TNIK: variants seen among roughly 807,000 people sequenced by gnomAD.
TNIK encodes the protein TRAF2 and NCK interacting kinase.
TNIK carries 49 observed loss-of-function variants against 191.3 expected under a neutral mutation model. That is an observed-to-expected ratio of 0.26 (90% CI 0.20 to 0.32). The LOEUF is 0.32. Among genes scored for constraint, TNIK ranks in the 10% least tolerant of loss-of-function variants. The pLI, the probability that TNIK is intolerant of heterozygous loss-of-function variation, is 1.00. For synonymous variants in TNIK, 594 were observed against 600.9 expected (o/e 0.99, Z 0.17); for missense variants, 1,155 against 1,702.3 (o/e 0.68, Z 5.66).
intron 28 of TNIK, among the ~76,000 whole-genome samples, chr3:171,074,211 G>T (rs532447988): frequency 6.6e-6 from 1 of 152,096 alleles, no homozygotes; most frequent in Non-Finnish European, 1.5e-5. Context: ...CGTGCCCTTG[G>T]CAGCAACGTG....
chr3:171,159,359 T>G lies in TNIK; in HGVS notation c.1017-1695A>C, dbSNP rs1311997695. On this transcript the variant is annotated intron_variant, in intron 11 of 32. Coordinates refer to ENST00000436636, the MANE Select transcript of TNIK (RefSeq NM_015028.4). This position sits in a 1 kb window ranked among gnomAD's most constrained non-coding sequence, Gnocchi z 4.1. The stretch of plus-strand genomic sequence containing the variant: ...AGGAATGCTGAGGGAGGAGCAAGTT[T>G]CGTGGCAGTTAACAAGAGGACCAAG... Among the ~76,000 whole-genome samples, 1 of 151,820 alleles carries G rather than the reference T, an allele frequency of 6.6e-6. No homozygotes were observed. Among genetic ancestry groups the G allele is most frequent in the Non-Finnish European group, 1.5e-5 (1 of 67,976 alleles).
chr3:171,104,662 A>T (rs1489725750), intron 21 of TNIK, among the ~76,000 whole-genome samples: 1 of 152,152 alleles, frequency 6.6e-6, no homozygotes, highest in Non-Finnish European at 1.5e-5. Flanking sequence ...AGTTTATTCA[A>T]ATAAATATTA....
At position 171,066,646 on chromosome 3, in the gene TNIK, C is replaced by T. The variant is rs907707963; in HGVS notation, c.3789G>A (p.Val1263=). 6.2e-7 allele frequency: 1 copy of T among 1,613,850 alleles called. No individual in the cohort carries two copies. Among genetic ancestry groups the T allele is most frequent in the African/African-American group, 1.3e-5 (1 of 74,988 alleles). ...TTATCCGGCCATAGGTGTTTACATA[C>T]ACCCCCTCATCCTCATAGCAAACAA... ...EMLVCYEDEG[V]YVNTYGRITK... The change falls in exon 31 of 33, where the codon GTG becomes GTA. Residue 1263 remains valine (V), a synonymous_variant. Transcript: ENST00000436636.
chr3:171,170,351 C>A (rs1464915209), intron 9 of TNIK, among the ~76,000 whole-genome samples: 1 of 152,162 alleles, frequency 6.6e-6, no homozygotes, highest in African/African-American at 2.4e-5. Context: ...AAGATTGTTA[C>A]ATTAGCTATT....
intron 17 of TNIK, among the ~76,000 whole-genome samples, chr3:171,125,500 C>T (rs1197862533): frequency 2.0e-5 from 3 of 152,224 alleles, no homozygotes; most frequent in African/African-American, 7.2e-5. Flanking sequence ...AATCTGGCTT[C>T]ACTTTTGTGT....
At chr3:171,272,728 T>C (rs1238397056) in intron 2 of TNIK, among the ~76,000 whole-genome samples, 2 of 152,212 alleles carry the variant, frequency 1.3e-5, no homozygotes, top group African/African-American at 4.8e-5. Context: ...TGGTTACTTA[T>C]CGTTTTTCTC....
intron 2 of TNIK, among the ~76,000 whole-genome samples, chr3:171,280,363 G>A (rs1750286139): frequency 6.6e-6 from 1 of 152,162 alleles, no homozygotes; most frequent in Non-Finnish European, 1.5e-5. Flanking sequence ...CCAGGCTCTG[G>A]CTTCCTGGGT....
intron 2 of TNIK, among the ~76,000 whole-genome samples, chr3:171,362,582 G>C (rs1285580265): frequency 6.6e-6 from 1 of 152,204 alleles, no homozygotes; most frequent in African/African-American, 2.4e-5. Context: ...ACCATGGGAA[G>C]AACTGGCACA....
intron 3 of TNIK, among the ~76,000 whole-genome samples, chr3:171,216,797 T>C (rs1560275375): frequency 6.6e-6 from 1 of 152,124 alleles, no homozygotes; most frequent in Non-Finnish European, 1.5e-5. Flanking sequence ...ATAAATTAGA[T>C]TGTAATAAAT....
At position 171,208,719 on chromosome 3, in the gene TNIK, A is replaced by C. The variant is rs184323948; in HGVS notation, c.306+2397T>G. Among the ~76,000 whole-genome samples the C allele has an allele frequency of 3.7e-3, 557 of 151,924 alleles. 2 individuals carry two copies. Among genetic ancestry groups the C allele is most frequent in the Non-Finnish European group, 6.2e-3 (420 of 67,948 alleles). ...ATTACAGGCAGCCACCACCATGCCCACCTAATTTTTTTGTATTTTTAATAG... is the reference window on the plus strand; with the variant it reads ...ATTACAGGCAGCCACCACCATGCCCCCCTAATTTTTTTGTATTTTTAATAG... On this transcript the variant is annotated intron_variant, in intron 4 of 32. Transcript: ENST00000436636.
At chr3:171,137,347 A>G (rs953322112) in intron 15 of TNIK, among the ~76,000 whole-genome samples, 4 of 152,162 alleles carry the variant, frequency 2.6e-5, no homozygotes, top group African/African-American at 9.6e-5. Context: ...ATAAAAATAC[A>G]AAATAACTCC....
chr3:171,170,688 C>T (rs1254402655), intron 9 of TNIK, among the ~76,000 whole-genome samples: 1 of 152,058 alleles, frequency 6.6e-6, no homozygotes, highest in Non-Finnish European at 1.5e-5. Context: ...ATGACATTGC[C>T]CCCAGCAATC....
intron 2 of TNIK, among the ~76,000 whole-genome samples, chr3:171,294,112 C>T (rs1751995361): frequency 6.6e-6 from 1 of 152,100 alleles, no homozygotes; most frequent in Non-Finnish European, 1.5e-5. Flanking sequence ...ACCTGTAATC[C>T]CAGCTACTCA....
At chr3:171,126,507 C>G (rs912854870) in intron 16 of TNIK, among the ~76,000 whole-genome samples, 4 of 152,154 alleles carry the variant, frequency 2.6e-5, no homozygotes, top group South Asian at 2.1e-4. Flanking sequence ...TTTAAAACCC[C>G]TAACTTTTAC....
At chr3:171,303,992 C>T (rs1296906687) in intron 2 of TNIK, among the ~76,000 whole-genome samples, 1 of 146,390 alleles carries the variant, frequency 6.8e-6, no homozygotes, top group Non-Finnish European at 1.5e-5. Flanking sequence ...GATTCACTTC[C>T]ACTGAAGAAG....
rs558713792 is a variant in TNIK, at chr3:171,120,465, C to T, written c.2120+3131G>A. Among the ~76,000 whole-genome samples, 16 of 151,778 alleles carry T rather than the reference C, an allele frequency of 1.1e-4. No individual in the cohort carries two copies. The South Asian group carries it at 2.1e-3, about 20-fold the overall frequency. On this transcript the variant is annotated intron_variant, in intron 18 of 32. Coordinates refer to ENST00000436636, the MANE Select transcript of TNIK (RefSeq NM_015028.4). ...CCTCCCAAGTAGCTGGGACTACAGG[C>T]GCCTGCCACCATGCTCGACTAATTT...
intron 8 of TNIK, among the ~76,000 whole-genome samples, chr3:171,175,953 G>A (rs550444102): frequency 2.8e-4 from 42 of 152,200 alleles, no homozygotes; most frequent in African/African-American, 9.6e-4. Context: ...CACAGAGTCT[G>A]GCAGAAAAAC....
chr3:171,304,478 A>G (rs1174138145), intron 2 of TNIK, among the ~76,000 whole-genome samples: 2 of 152,168 alleles, frequency 1.3e-5, no homozygotes, highest in Non-Finnish European at 2.9e-5. Context: ...TAGAACTAGA[A>G]ATACCATTTG....
intron 2 of TNIK, among the ~76,000 whole-genome samples, chr3:171,305,070 T>G (rs34767034): frequency 0.041 from 4,695 of 114,102 alleles, 117 homozygotes; most frequent in Middle Eastern, 0.062. Context: ...AAGGAAAAAG[T>G]AAAGAAAATG....
Sources: allele counts gnomAD v4.1 joint callset (sites outside exome capture counted in the v4.1 genomes callset), GRCh38; gene constraint gnomAD v4.1.1; non-coding constraint Gnocchi (gnomAD v3.1); transcripts MANE v1.5; gene names NCBI Gene and HGNC (gene_info 2026-07-23, HGNC 2026-07-21).